CSRNP2: variants seen among roughly 807,000 people sequenced by gnomAD.
CSRNP2 encodes the protein cysteine/serine-rich nuclear protein 2.
CSRNP2 carries 11 observed loss-of-function variants against 36.6 expected under a neutral mutation model. The ratio of observed to expected loss-of-function variants is 0.30; its 90% confidence interval spans 0.19 to 0.50. The LOEUF is 0.50. Among genes scored for constraint, CSRNP2 ranks in the 20% least tolerant of loss-of-function variants. CSRNP2 has a pLI of 0.98. For missense variants in CSRNP2, 483 were observed against 691.4 expected (o/e 0.70, Z 3.38); for synonymous variants, 248 against 275.3 (o/e 0.90, Z 0.98).
intron 3 of CSRNP2, among the ~76,000 whole-genome samples, chr12:51,070,042 C>G (rs954748233): frequency 4.0e-5 from 6 of 151,282 alleles, no homozygotes; most frequent in Non-Finnish European, 7.4e-5. Flanking sequence ...GAAAGGGAGT[C>G]TTGGTGGAAG....
chr12:51,074,509 T>C (rs1448431891), intron 2 of CSRNP2, among the ~76,000 whole-genome samples: 2 of 152,194 alleles, frequency 1.3e-5, no homozygotes, highest in African/African-American at 4.8e-5. Context: ...CTAAACGTGC[T>C]CTCTATATCT....
At chr12:51,068,167 AT>A (rs1566178143) in intron 3 of CSRNP2, among the ~76,000 whole-genome samples, 198 bp from the exon 4 acceptor site, 1 of 152,050 alleles carries the variant, frequency 6.6e-6, no homozygotes, top group East Asian at 1.9e-4. Context: ...CATTTTATTT[AT>A]TTTTTTGAGA....
Position 51,067,491 on chromosome 12 carries a change from G to A in CSRNP2, c.708+182C>T, listed in dbSNP as rs1396289406. Among the ~76,000 whole-genome samples the A allele has an allele frequency of 6.6e-6, 1 of 152,174 alleles. No homozygotes were observed. The highest frequency in any genetic ancestry group is 1.5e-5 in the Non-Finnish European group (1 of 68,034). On this transcript the variant is annotated intron_variant, in intron 4 of 4. Transcript: ENST00000228515. The surrounding 1 kb of genome is among the most constrained non-coding windows in gnomAD (Gnocchi z 4.1). ...CACATAGCTAGGATTAGAGGTGTGAGCCACCATGCCTGGCCGTGTGCTGTT... is the reference window on the plus strand; with the variant it reads ...CACATAGCTAGGATTAGAGGTGTGAACCACCATGCCTGGCCGTGTGCTGTT...
chr12:51,072,781 A>G (rs1939238231), intron 3 of CSRNP2, among the ~76,000 whole-genome samples: 1 of 152,188 alleles, frequency 6.6e-6, no homozygotes, highest in Non-Finnish European at 1.5e-5. Flanking sequence ...GGATCCTTTC[A>G]GAGACTGTGA....
chr12:51,080,350 C>A (rs1231839734), intron 1 of CSRNP2, among the ~76,000 whole-genome samples: 1 of 152,112 alleles, frequency 6.6e-6, no homozygotes, highest in Non-Finnish European at 1.5e-5. Context: ...TACTACAATT[C>A]TCCACGGTCT....
At position 51,067,849 on chromosome 12, in the gene CSRNP2, G is replaced by A. The variant is rs1938555370; in HGVS notation, c.532C>T (p.Leu178=). 2.5e-6 allele frequency: 4 copies of A among 1,614,108 alleles called. No homozygotes were observed. The South Asian group carries it at 3.3e-5, about 13-fold the overall frequency. The change falls in exon 4 of 5, where the codon CTG becomes TTG. Residue 178 remains leucine (L), a synonymous_variant. Coordinates refer to ENST00000228515, the MANE Select transcript of CSRNP2 (RefSeq NM_030809.3). This position sits in a 1 kb window ranked among gnomAD's most constrained non-coding sequence, Gnocchi z 4.1. ...AGGGCCCGTCGCCGTTTGGTGGGCAGAGGCTGCAGGAAGAAGTAATCATCC... is the reference window on the plus strand; with the variant it reads ...AGGGCCCGTCGCCGTTTGGTGGGCAAAGGCTGCAGGAAGAAGTAATCATCC... ...EVDDYFFLQP[L]PTKRRRALLR...
At position 51,063,660 on chromosome 12, in the gene CSRNP2, G is replaced by A. The variant is rs773313295; in HGVS notation, c.*86C>T. On this transcript the variant is annotated 3_prime_UTR_variant, in exon 5 of 5. Coordinates refer to ENST00000228515, the MANE Select transcript of CSRNP2 (RefSeq NM_030809.3). The stretch of plus-strand genomic sequence containing the variant: ...ATAAAATAACATGGGAGCAGCAGCT[G>A]CTTCTACAGTTTTGTTTTGAAATGG... 13 of 1,049,008 alleles carry A rather than the reference G, an allele frequency of 1.2e-5. No individual in the cohort carries two copies. The highest frequency in any genetic ancestry group is 1.6e-5 in the Non-Finnish European group (12 of 748,058). The allele number at this position is 1,049,008 out of a possible 1,614,324, so 65.0% of individuals were successfully genotyped here. A position where few individuals can be genotyped will look rare whatever the true frequency, so the allele number is the denominator to read the frequency against.
At chr12:51,066,494 A>G (rs897419459) in intron 4 of CSRNP2, among the ~76,000 whole-genome samples, 29 of 149,706 alleles carry the variant, frequency 1.9e-4, no homozygotes, top group African/African-American at 6.1e-4. Context: ...TACAACAATT[A>G]GCCGGGCATA....
intron 1 of CSRNP2, among the ~76,000 whole-genome samples, chr12:51,079,769 CAAAAAAAAAAA>C (rs35767986): frequency 5.7e-5 from 2 of 35,012 alleles, no homozygotes; most frequent in African/African-American, 2.5e-4. Context: ...GAGACCTTGT[CAAAAAAAAAAA>C]AAAAAAAAAA....
rs1446433326 is a variant in CSRNP2 at position 51,064,250 on chromosome 12, T to C, written c.1128A>G (p.Thr376=). ...GCTGAGCCTGGATGAGAATGGGGGC[T>C]GTAAGGCCTGGGCACAGCTCTTCGG... is the stretch of plus-strand genomic sequence containing the variant. ...AVPEELCPGL[T]APILIQAQLP... Residue 376 remains threonine, a synonymous_variant, in exon 5 of 5, where the codon ACA becomes ACG. Coordinates refer to ENST00000228515, the MANE Select transcript of CSRNP2 (RefSeq NM_030809.3). The C allele has an allele frequency of 1.9e-6, 3 of 1,613,120 alleles. No individual in the cohort carries two copies. The East Asian group carries it at 6.7e-5, about 36-fold the overall frequency.
chr12:51,062,999 C>A lies in CSRNP2; in HGVS notation c.*747G>T, dbSNP rs1592734182. 6.6e-6 allele frequency: 1 copy of A among 152,180 alleles called. No individual in the cohort carries two copies. The highest frequency in any genetic ancestry group is 2.4e-5 in the African/African-American group (1 of 41,410). The allele number at this position is 152,180 out of a possible 1,614,324, so 9.4% of individuals were successfully genotyped here. On this transcript the variant is annotated 3_prime_UTR_variant, in exon 5 of 5. Coordinates refer to ENST00000228515, the MANE Select transcript of CSRNP2 (RefSeq NM_030809.3). ...AAGGCTCAGGCTCGTTATACCATAT[C>A]CCCAGCCAATCCAGCTCTTTCTCCG...
chr12:51,079,745 C>G (rs549058543), intron 1 of CSRNP2, among the ~76,000 whole-genome samples: 2 of 115,236 alleles, frequency 1.7e-5, no homozygotes, highest in East Asian at 4.7e-4. Flanking sequence ...GCACTCTAGC[C>G]TGGGCAACAG....
At chr12:51,079,919 A>C (rs1036708249) in intron 1 of CSRNP2, among the ~76,000 whole-genome samples, 1 of 150,132 alleles carries the variant, frequency 6.7e-6, no homozygotes, top group African/African-American at 2.5e-5. Flanking sequence ...CCAAAAATAC[A>C]ATGATTAGCC....
chr12:51,064,008 G>GT lies in CSRNP2; in HGVS notation c.1369dup (p.Thr457AsnfsTer7). Reference sequence around the variant, plus strand: ...TGTGGAGCTACAAGCCACGAGTGAGGTAACAGGGAGAGAGAAGACATTCAG... The same window carrying GT: ...TGTGGAGCTACAAGCCACGAGTGAGGTTAACAGGGAGAGAGAAGACATTCAG... On this transcript the variant is annotated frameshift_variant, in exon 5 of 5. Coordinates refer to ENST00000228515, the MANE Select transcript of CSRNP2 (RefSeq NM_030809.3). LOFTEE classifies it high-confidence loss of function. The GT allele has an allele frequency of 6.2e-7, 1 of 1,614,218 alleles. No individual in the cohort carries two copies. The highest frequency in any genetic ancestry group is 8.5e-7 in the Non-Finnish European group (1 of 1,180,034).
chr12:51,072,806 G>C (rs967232559), intron 3 of CSRNP2, among the ~76,000 whole-genome samples: 1 of 152,188 alleles, frequency 6.6e-6, no homozygotes, highest in African/African-American at 2.4e-5. Flanking sequence ...TCCAAAACCT[G>C]TTCTGTGCAT....
At chr12:51,070,322 G>A (rs1248361554) in intron 3 of CSRNP2, among the ~76,000 whole-genome samples, 1 of 152,174 alleles carries the variant, frequency 6.6e-6, no homozygotes, top group African/African-American at 2.4e-5. Context: ...ATGAAGAGAA[G>A]TAAAGTGGGG....
At chr12:51,077,562 C>G (rs1939448143) in intron 1 of CSRNP2, among the ~76,000 whole-genome samples, 1 of 152,108 alleles carries the variant, frequency 6.6e-6, no homozygotes, top group South Asian at 2.1e-4. Context: ...CATTAGCAGT[C>G]AGGAAAACCC....
At position 51,064,623 on chromosome 12, in the gene CSRNP2, C is replaced by T; in HGVS notation, c.755G>A (p.Gly252Glu). The change falls in exon 5 of 5, where the codon GGG becomes GAG. Residue 252 changes from glycine (G) to glutamate (E), a missense_variant. This residue lies in a region of CSRNP2 where 206 missense variants were observed against 367.8 expected (regional missense o/e 0.56). Transcript: ENST00000228515. ...FPCGCSRDGC[G>E]NMAGRIEFNP... is the part of the protein sequence containing the mutation. ...AAATTCAATGCGTCCTGCCATGTTC[C>T]CACAGCCATCCCGGGAGCAGCCACA... The T allele has an allele frequency of 6.5e-7, 1 of 1,545,106 alleles. No individual in the cohort carries two copies. Among genetic ancestry groups the T allele is most frequent in the Non-Finnish European group, 8.7e-7 (1 of 1,144,396 alleles).
Position 51,063,980 on chromosome 12 carries a change from G to A in CSRNP2, c.1398C>T (p.Asp466=). The A allele has an allele frequency of 6.2e-7, 1 of 1,613,942 alleles. No homozygotes were observed. Among genetic ancestry groups the A allele is most frequent in the Non-Finnish European group, 8.5e-7 (1 of 1,179,800 alleles). The change falls in exon 5 of 5, where the codon GAC becomes GAT. Residue 466 remains aspartate (D), a synonymous_variant. Transcript: ENST00000228515. ...VTSLVACSST[D]PAALCKSEVG... ...CCTCTGATTTACAGAGGGCAGCTGG[G>A]TCTGTGGAGCTACAAGCCACGAGTG...
Sources: gnomAD v4.1 joint callset for allele counts (sites outside exome capture counted in the v4.1 genomes callset) on GRCh38, gnomAD v4.1.1 for gene constraint, gnomAD v4.1.1 regional missense constraint, Gnocchi (gnomAD v3.1) non-coding constraint, MANE v1.5 for transcripts, NCBI Gene and HGNC (gene_info 2026-07-23, HGNC 2026-07-21) for gene names.